RBMS3: variants seen among roughly 807,000 people sequenced by gnomAD.
RBMS3 encodes RNA-binding motif, single-stranded-interacting protein 3.
Under a neutral mutation model 66.8 loss-of-function variants are expected in RBMS3, and 27 were observed. The observed-to-expected ratio is 0.40, with a 90% confidence interval of 0.30 to 0.56. The LOEUF is 0.56. RBMS3 is among the 20% of genes least tolerant of loss of function. The probability of loss-of-function intolerance (pLI) is 0.40; values close to 1 mark genes in which losing one functional copy is unlikely to be tolerated. For missense variants in RBMS3, 513 were observed against 549.5 expected, an observed-to-expected ratio of 0.93 and a Z score of 0.66; for synonymous variants, 188 against 183.0, an observed-to-expected ratio of 1.03 and a Z score of -0.22.
chr3:29,486,649 T>TA (rs776684989), intron 2 of RBMS3, among the ~76,000 whole-genome samples: 2 of 152,170 alleles, frequency 1.3e-5, no homozygotes, highest in Non-Finnish European at 2.9e-5. Flanking sequence ...AGTGATTACA[T>TA]ATACTACATT....
Position 29,777,209 on chromosome 3 carries a change from G to A in RBMS3, c.637+14220G>A, listed in dbSNP as rs142341203. Among the ~76,000 whole-genome samples, 318 of 151,718 alleles carry A rather than the reference G, an allele frequency of 2.1e-3. 2 individuals carry two copies. The highest frequency in any genetic ancestry group is 6.9e-3 in the African/African-American group (287 of 41,428). ...TCCCTTTCCTTAACTCTCACTGTAC[G>A]GCATTAAATGCTTTTCTCCTATACT... On this transcript the variant is annotated intron_variant, in intron 6 of 14. Coordinates refer to ENST00000383767, the MANE Select transcript of RBMS3 (RefSeq NM_001003793.3).
chr3:29,585,781 G>A (rs3773099), intron 3 of RBMS3, among the ~76,000 whole-genome samples: 9,037 of 151,922 alleles, frequency 0.059, 553 homozygotes, highest in East Asian at 0.31. Flanking sequence ...AGAAGAATTA[G>A]CAGTACTTAC....
At chr3:29,692,587 C>A (rs1004191851) in intron 4 of RBMS3, among the ~76,000 whole-genome samples, 3 of 152,132 alleles carry the variant, frequency 2.0e-5, no homozygotes, top group South Asian at 2.1e-4. Context: ...ACAACCTAAT[C>A]AAAAAACTGA....
chr3:29,281,895 A>G (rs867543004), intron 1 of RBMS3, 139 bp downstream of exon 1: 4 of 673,528 alleles, frequency 5.9e-6, no homozygotes, highest in Middle Eastern at 2.8e-4. Flanking sequence ...TGACATACCA[A>G]TGGAGTTAAT....
rs914614501 is a variant in RBMS3, at chr3:29,420,964, T to A, written c.76-13779T>A. On this transcript the variant is annotated intron_variant, in intron 1 of 14. Transcript: ENST00000383767. ...CTAAAAATGAAAAAAAAAAAAAAAATTAACTGGGCGTGGTGGCGGGCGCCT... is the reference window on the plus strand; with the variant it reads ...CTAAAAATGAAAAAAAAAAAAAAAAATAACTGGGCGTGGTGGCGGGCGCCT... Among the ~76,000 whole-genome samples the A allele has an allele frequency of 5.7e-3, 464 of 81,194 alleles. 18 individuals are homozygous for A. The East Asian group carries it at 0.11, about 20-fold the overall frequency. 53.3% of individuals were successfully genotyped at this position (81,194 alleles called of 152,430 possible).
intron 4 of RBMS3, chr3:29,640,997 A>G (rs1285563211): frequency 1.3e-5 from 2 of 151,950 alleles, no homozygotes; most frequent in Non-Finnish European, 2.9e-5. Flanking sequence ...TCCTTGGCCA[A>G]TTGCACAAAA....
chr3:29,962,000 A>G (rs1696488235), intron 12 of RBMS3, among the ~76,000 whole-genome samples: 1 of 145,554 alleles, frequency 6.9e-6, no homozygotes, highest in African/African-American at 2.5e-5. Flanking sequence ...TATATAATAT[A>G]TATATTATAT....
At chr3:29,563,150 T>A (rs924393327) in intron 3 of RBMS3, among the ~76,000 whole-genome samples, 1 of 152,180 alleles carries the variant, frequency 6.6e-6, no homozygotes, top group African/African-American at 2.4e-5. Flanking sequence ...GACTGCCTTT[T>A]CCCAGTCATA....
chr3:29,715,510 T>C (rs1236986045), intron 4 of RBMS3, among the ~76,000 whole-genome samples: 1 of 152,160 alleles, frequency 6.6e-6, no homozygotes, highest in African/African-American at 2.4e-5. Context: ...ATATATCTAC[T>C]GTTAGTTCCC....
chr3:29,419,273 T>A (rs1236644080), intron 1 of RBMS3, among the ~76,000 whole-genome samples: 1 of 152,184 alleles, frequency 6.6e-6, no homozygotes, highest in Admixed American at 6.5e-5. Flanking sequence ...CTGTATAAAC[T>A]GTTCTACTTT....
At chr3:29,798,243 G>A (rs1468136508) in intron 6 of RBMS3, among the ~76,000 whole-genome samples, 2 of 128,932 alleles carry the variant, frequency 1.6e-5, no homozygotes, top group Non-Finnish European at 3.3e-5. Context: ...AGGAAGGAAG[G>A]AAGGACAGAA....
At chr3:29,833,538 A>G (rs1418263257) in intron 6 of RBMS3, among the ~76,000 whole-genome samples, 1 of 152,210 alleles carries the variant, frequency 6.6e-6, no homozygotes, top group East Asian at 1.9e-4. Context: ...ATGCATGAAT[A>G]AAATGAAAAT....
chr3:29,427,556 C>A (rs2041007629), intron 1 of RBMS3, among the ~76,000 whole-genome samples: 1 of 152,126 alleles, frequency 6.6e-6, no homozygotes, highest in Admixed American at 6.5e-5. Flanking sequence ...ATCCAGCGAG[C>A]AATGGATTAC....
At chr3:29,440,993 A>C (rs9809278) in intron 2 of RBMS3, among the ~76,000 whole-genome samples, 7,810 of 152,256 alleles carry the variant, frequency 0.051, 344 homozygotes, top group African/African-American at 0.11. Context: ...AAATTTTTAG[A>C]GTTCTTTCTT....
In RBMS3 at chr3:29,467,175, C is replaced by T. The variant is rs558521301; in HGVS notation, c.249-21266C>T. On this transcript the variant is annotated intron_variant, in intron 2 of 14. Coordinates refer to ENST00000383767, the MANE Select transcript of RBMS3 (RefSeq NM_001003793.3). ...TGCCTTTTGCTTAAATTTTGGCATA[C>T]CATGAAATGTCTTTCTGTATTAGCT... Among the ~76,000 whole-genome samples, 7 of 152,168 alleles carry T rather than the reference C, an allele frequency of 4.6e-5. No homozygotes were observed. The East Asian group carries it at 1.4e-3, about 29-fold the overall frequency.
chr3:29,472,792 G>GAGC (rs1474651130), intron 2 of RBMS3, among the ~76,000 whole-genome samples: 1 of 152,152 alleles, frequency 6.6e-6, no homozygotes, highest in Non-Finnish European at 1.5e-5. Flanking sequence ...CCCAAAGAGT[G>GAGC]AGCAGCAGCA....
chr3:29,379,494 G>A (rs748932496), intron 1 of RBMS3, among the ~76,000 whole-genome samples: 1 of 152,152 alleles, frequency 6.6e-6, no homozygotes, highest in Non-Finnish European at 1.5e-5. Context: ...ACATGGCTGG[G>A]GAGGCATCAC....
At chr3:29,480,648 G>C (rs1310407497) in intron 2 of RBMS3, among the ~76,000 whole-genome samples, 1 of 152,168 alleles carries the variant, frequency 6.6e-6, no homozygotes, top group African/African-American at 2.4e-5. Flanking sequence ...TCAGTGTTTA[G>C]GAATTAAGCA....
In RBMS3 at chr3:29,893,812, C is replaced by G. The variant is rs548553077; in HGVS notation, c.792-3567C>G. ...TCTCTGGGCTCTCATTCCTCAGCTT[C>G]CTACCTCTTTCAGGGACCCTTCTCC... is the stretch of plus-strand genomic sequence containing the variant. On this transcript the variant is annotated intron_variant, in intron 8 of 14. Coordinates refer to ENST00000383767, the MANE Select transcript of RBMS3 (RefSeq NM_001003793.3). 2.0e-5 allele frequency among the ~76,000 whole-genome samples: 3 copies of G among 151,596 alleles called. No homozygotes were observed. In the East Asian group the frequency reaches 5.8e-4, roughly 30 times the overall value.
Sources: allele counts gnomAD v4.1 joint callset (sites outside exome capture counted in the v4.1 genomes callset), GRCh38; gene constraint gnomAD v4.1.1; transcripts MANE v1.5; gene names NCBI Gene and HGNC (gene_info 2026-07-23, HGNC 2026-07-21).